The following FTCDNL1 variants were observed in gnomAD, a reference collection of about 807,000 sequenced individuals.
The protein encoded by FTCDNL1 is formiminotransferase cyclodeaminase N-terminal like.
FTCDNL1 carries 11 observed loss-of-function variants against 5.9 expected under a neutral mutation model. The ratio of observed to expected loss-of-function variants is 1.87; its 90% CI spans 1.18 to 3.10. The LOEUF (loss-of-function observed/expected upper bound fraction) is 3.10. FTCDNL1 is among the 30% of genes most tolerant of loss of function. The probability of loss-of-function intolerance (pLI) is 0.00; values close to 1 mark genes in which losing one functional copy is unlikely to be tolerated. For missense variants in FTCDNL1, 115 were observed against 65.5 expected (o/e 1.76, Z -2.61); for synonymous variants, 58 against 24.8 (o/e 2.34, Z -3.99).
At chr2:199,678,820 C>A in the FTCDNL1 span, among the ~76,000 whole-genome samples, 14 of 152,032 alleles carry the variant, frequency 9.2e-5, no homozygotes, top group African/African-American at 3.4e-4. Flanking sequence ...CATATTATAA[C>A]TCATTTAATT....
chr2:199,705,401 A>G, the FTCDNL1 span, among the ~76,000 whole-genome samples: 11 of 152,196 alleles, frequency 7.2e-5, no homozygotes, highest in Non-Finnish European at 1.3e-4. Flanking sequence ...TTTTTCTTCA[A>G]TTTCAATTTC....
chr2:199,789,556 T>C (rs1484233644), intron 3 of FTCDNL1, among the ~76,000 whole-genome samples: 2 of 152,136 alleles, frequency 1.3e-5, no homozygotes, highest in African/African-American at 4.8e-5. Context: ...TTAATTAAAA[T>C]TAGGAACTTA....
the FTCDNL1 span, among the ~76,000 whole-genome samples, chr2:199,670,434 G>A: frequency 3.3e-5 from 5 of 152,174 alleles, no homozygotes; most frequent in African/African-American, 1.2e-4. Context: ...TAGGACTCAA[G>A]AATCAGTTTT....
chr2:199,673,094 G>A, the FTCDNL1 span, among the ~76,000 whole-genome samples: 3 of 152,028 alleles, frequency 2.0e-5, no homozygotes, highest in African/African-American at 4.8e-5. Context: ...TCGGGAGGCC[G>A]AGGTGGGAAG....
intron 3 of FTCDNL1, among the ~76,000 whole-genome samples, chr2:199,777,655 A>G (rs1212410660): frequency 6.6e-6 from 1 of 152,168 alleles, no homozygotes; most frequent in Non-Finnish European, 1.5e-5. Context: ...GACACATAAC[A>G]TTAACCAGCA....
chr2:199,782,953 C>T (rs963826222), intron 3 of FTCDNL1, among the ~76,000 whole-genome samples: 3 of 152,176 alleles, frequency 2.0e-5, no homozygotes, highest in Non-Finnish European at 4.4e-5. Context: ...AACATATTGT[C>T]AACCATTCTT....
At chr2:199,738,045 G>A in the FTCDNL1 span, among the ~76,000 whole-genome samples, 2 of 152,150 alleles carry the variant, frequency 1.3e-5, no homozygotes, top group Non-Finnish European at 2.9e-5. Context: ...TCACAGGTTG[G>A]GGGAGTTGAT....
chr2:199,740,661 T>C, the FTCDNL1 span, among the ~76,000 whole-genome samples: 47 of 151,990 alleles, frequency 3.1e-4, no homozygotes, highest in East Asian at 7.2e-3. Flanking sequence ...AAACAAAGAG[T>C]TGCCTGCTCT....
At chr2:199,784,916 A>T (rs1045262363) in intron 3 of FTCDNL1, among the ~76,000 whole-genome samples, 3 of 152,194 alleles carry the variant, frequency 2.0e-5, no homozygotes, top group Admixed American at 2.0e-4. Flanking sequence ...GTAGACTGAG[A>T]ACACTTAAAA....
intron 1 of FTCDNL1, among the ~76,000 whole-genome samples, chr2:199,850,219 T>C (rs2076838986): frequency 6.6e-6 from 1 of 152,202 alleles, no homozygotes; most frequent in African/African-American, 2.4e-5. Context: ...TTCTAGATAT[T>C]AATAACATTG....
At chr2:199,715,196 T>C in the FTCDNL1 span, among the ~76,000 whole-genome samples, 1 of 143,274 alleles carries the variant, frequency 7.0e-6, no homozygotes, top group Non-Finnish European at 1.5e-5. Context: ...ATTTCTACTT[T>C]GTTTGAGCCA....
chr2:199,750,165 G>A, the FTCDNL1 span, among the ~76,000 whole-genome samples: 1 of 151,514 alleles, frequency 6.6e-6, no homozygotes, highest in Non-Finnish European at 1.5e-5. Flanking sequence ...ACCAGCCTGG[G>A]CAACATGGCA....
chr2:199,677,593 T>C, the FTCDNL1 span, among the ~76,000 whole-genome samples: 1 of 152,202 alleles, frequency 6.6e-6, no homozygotes, highest in African/African-American at 2.4e-5. Context: ...AATGAAATTC[T>C]GACCATGTTA....
At position 199,773,318 on chromosome 2, in the gene FTCDNL1, T is replaced by C. The variant is rs143439585; in HGVS notation, c.212-12483A>G. On this transcript the variant is annotated intron_variant, in intron 3 of 3. Coordinates refer to the FTCDNL1 transcript ENST00000416668. Reference sequence around the variant, plus strand: ...GAGTTGGGCCTAGGCTTGGACTCCATTTTATTACCAGTCCCCATCTACCCC... The same window carrying C: ...GAGTTGGGCCTAGGCTTGGACTCCACTTTATTACCAGTCCCCATCTACCCC... Among the ~76,000 whole-genome samples, 38 of 152,158 alleles carry C rather than the reference T, an allele frequency of 2.5e-4. No individual in the cohort carries two copies. The East Asian group carries it at 6.4e-3, about 26-fold the overall frequency.
the FTCDNL1 span, among the ~76,000 whole-genome samples, chr2:199,702,137 G>A: frequency 1.1e-3 from 163 of 152,214 alleles, 3 homozygotes; most frequent in African/African-American, 3.6e-3. Context: ...GGGCCTGCTC[G>A]AAGGTGGAGG....
At chr2:199,801,258 T>C (rs1559199073) in intron 3 of FTCDNL1, among the ~76,000 whole-genome samples, 1 of 152,160 alleles carries the variant, frequency 6.6e-6, no homozygotes, top group Non-Finnish European at 1.5e-5. Context: ...CACACAAATA[T>C]TCACAACTCA....
intron 3 of FTCDNL1, among the ~76,000 whole-genome samples, chr2:199,784,461 G>C (rs1163302919): frequency 6.6e-6 from 1 of 152,140 alleles, no homozygotes; most frequent in Non-Finnish European, 1.5e-5. Context: ...TAAAATCCCT[G>C]TTGTAGATCG....
chr2:199,836,542 C>G (rs964021773), intron 3 of FTCDNL1, among the ~76,000 whole-genome samples: 1 of 152,090 alleles, frequency 6.6e-6, no homozygotes, highest in Non-Finnish European at 1.5e-5. Flanking sequence ...CCATGGTGGG[C>G]AGATCCCTTG....
rs2076868923 is a variant in FTCDNL1 at position 199,851,159 on chromosome 2, G to A, written c.-427C>T. On this transcript the variant is annotated 5_prime_UTR_variant, in exon 1 of 5. Transcript: ENST00000420128. ...GCCCGCGCGCAGCCTCCGCCGCCGCGCGTGGCCCGCGCGCAGCGTCTGCCG... is the reference window on the plus strand; with the variant it reads ...GCCCGCGCGCAGCCTCCGCCGCCGCACGTGGCCCGCGCGCAGCGTCTGCCG... 7.0e-6 allele frequency: 1 copy of A among 142,108 alleles called. No individual in the cohort carries two copies. The highest frequency in any genetic ancestry group is 6.8e-5 in the Admixed American group (1 of 14,618). 8.8% of individuals were successfully genotyped at this position (142,108 alleles called of 1,614,324 possible).
Sources: gnomAD v4.1 joint callset for allele counts (sites outside exome capture counted in the v4.1 genomes callset) on GRCh38, gnomAD v4.1.1 for gene constraint, MANE v1.5 for transcripts, NCBI Gene and HGNC (gene_info 2026-07-23, HGNC 2026-07-21) for gene names.